The following ANO10 variants were observed in gnomAD, a reference collection of about 807,000 sequenced individuals.
The protein encoded by ANO10 is anoctamin-10.
Under a neutral mutation model 74.7 loss-of-function variants are expected in ANO10, and 77 were observed. The ratio of observed to expected loss-of-function variants is 1.03; its 90% CI spans 0.86 to 1.25. The LOEUF is 1.25. ANO10 is among the 50% of genes most tolerant of loss of function. The probability of loss-of-function intolerance (pLI) is 0.00; values close to 1 mark genes in which losing one functional copy is unlikely to be tolerated. For missense variants in ANO10, 721 were observed against 778.1 expected, an observed-to-expected ratio of 0.93 and a Z score of 0.87; for synonymous variants, 279 against 284.9, an observed-to-expected ratio of 0.98 and a Z score of 0.21.
At chr3:43,620,313 T>C (rs2083323796) in intron 1 of ANO10, among the ~76,000 whole-genome samples, 1 of 152,160 alleles carries the variant, frequency 6.6e-6, no homozygotes, top group Non-Finnish European at 1.5e-5. Context: ...TATGAAGTAA[T>C]ATAACAATAT....
intron 1 of ANO10, among the ~76,000 whole-genome samples, chr3:43,607,328 C>A (rs2149499792): frequency 6.7e-6 from 1 of 150,288 alleles, no homozygotes; most frequent in Non-Finnish European, 1.5e-5. Context: ...ATAGCAAGAC[C>A]CTGTCTAAAA....
intron 11 of ANO10, among the ~76,000 whole-genome samples, chr3:43,483,016 A>G (rs2076331385): frequency 1.3e-5 from 2 of 152,242 alleles, no homozygotes; most frequent in South Asian, 4.1e-4. Flanking sequence ...AATGTTTATT[A>G]AATTTGTCTC....
chr3:43,483,460 G>C (rs1353177366), intron 11 of ANO10, among the ~76,000 whole-genome samples: 1 of 152,150 alleles, frequency 6.6e-6, no homozygotes, highest in Admixed American at 6.5e-5. Flanking sequence ...GGGGTAACAC[G>C]TAACACTTGG....
chr3:43,538,361 G>T (rs2078808234), intron 11 of ANO10, among the ~76,000 whole-genome samples: 1 of 152,190 alleles, frequency 6.6e-6, no homozygotes, highest in Non-Finnish European at 1.5e-5. Context: ...GTACTGAAAT[G>T]ATCTTGCTTG....
At chr3:43,409,237 A>C (rs1432463530) in intron 12 of ANO10, among the ~76,000 whole-genome samples, 1 of 152,082 alleles carries the variant, frequency 6.6e-6, no homozygotes, top group African/African-American at 2.4e-5. Flanking sequence ...GAATCTATGA[A>C]GCTGTGCCGT....
chr3:43,524,406 A>G (rs544223652), intron 11 of ANO10, among the ~76,000 whole-genome samples: 9 of 92,302 alleles, frequency 9.8e-5, no homozygotes, highest in Non-Finnish European at 2.0e-4. Context: ...AGAGCTGTCT[A>G]TAAGTGGTAA....
intron 1 of ANO10, among the ~76,000 whole-genome samples, chr3:43,641,812 A>G (rs142404191): frequency 0.01 from 1,532 of 152,252 alleles, 12 homozygotes; most frequent in Non-Finnish European, 0.013. Context: ...AATGGAGGCC[A>G]TGTCATCAAG....
At chr3:43,411,624 C>G (rs2092666572) in intron 12 of ANO10, among the ~76,000 whole-genome samples, 1 of 152,142 alleles carries the variant, frequency 6.6e-6, no homozygotes. Context: ...CCACAGGGCT[C>G]CATGGTGCTG....
chr3:43,596,770 A>G (rs1421564643), intron 4 of ANO10, among the ~76,000 whole-genome samples: 1 of 152,224 alleles, frequency 6.6e-6, no homozygotes, highest in Non-Finnish European at 1.5e-5. Flanking sequence ...AATGGGATCT[A>G]ATTAAACCAA....
intron 11 of ANO10, among the ~76,000 whole-genome samples, chr3:43,483,023 T>C (rs543627230): frequency 6.6e-5 from 10 of 152,352 alleles, no homozygotes; most frequent in African/African-American, 1.9e-4. Flanking sequence ...ATTAAATTTG[T>C]CTCTTAAAAG....
intron 11 of ANO10, among the ~76,000 whole-genome samples, chr3:43,516,291 A>C (rs1252519664): frequency 6.6e-6 from 1 of 152,218 alleles, no homozygotes; most frequent in Non-Finnish European, 1.5e-5. Context: ...CCTGAACTAG[A>C]CTTTGAAGAA....
Position 43,643,678 on chromosome 3 carries a change from C to CTTTTTTTTTTTTTTTTTTTTTTTTT in ANO10, c.-11-37816_-11-37815insAAAAAAAAAAAAAAAAAAAAAAAAA, listed in dbSNP as rs1310556861. ...AAGCTTTTCATGTACTTGTCCTCAT[C>CTTTTTTTTTTTTTTTTTTTTTTTTT]TTTTCTTTTTTTTTTTTTTTTTTTA... On this transcript the variant is annotated intron_variant, in intron 1 of 3. Transcript: ENST00000413397. 1.2e-4 allele frequency among the ~76,000 whole-genome samples: 16 copies of CTTTTTTTTTTTTTTTTTTTTTTTTT among 133,616 alleles called. 2 individuals carry two copies. Among genetic ancestry groups the CTTTTTTTTTTTTTTTTTTTTTTTTT allele is most frequent in the African/African-American group, 4.7e-4 (15 of 32,076 alleles). 87.7% of individuals were successfully genotyped at this position (133,616 alleles called of 152,430 possible).
At chr3:43,481,996 T>G (rs890696353) in intron 11 of ANO10, among the ~76,000 whole-genome samples, 1 of 149,768 alleles carries the variant, frequency 6.7e-6, no homozygotes, top group Non-Finnish European at 1.5e-5. Flanking sequence ...TGGTGTGATC[T>G]CAGCTCACTG....
chr3:43,541,113 C>A (rs977751644), intron 11 of ANO10, among the ~76,000 whole-genome samples: 1 of 152,048 alleles, frequency 6.6e-6, no homozygotes, highest in Non-Finnish European at 1.5e-5. Context: ...AATAAAAAAC[C>A]AACCCAACTC....
At chr3:43,568,342 A>C (rs1191757924) in intron 7 of ANO10, among the ~76,000 whole-genome samples, 1 of 152,190 alleles carries the variant, frequency 6.6e-6, no homozygotes, top group African/African-American at 2.4e-5. Context: ...GACCTAATAG[A>C]CATCTACAGA....
At chr3:43,472,597 A>T (rs2075905429) in intron 11 of ANO10, 1 of 152,084 alleles carries the variant, frequency 6.6e-6, no homozygotes, top group Admixed American at 6.5e-5. Context: ...CTAGCCAAAA[A>T]AAAAGACAGA....
In ANO10 at chr3:43,421,286, C is replaced by T. The variant is rs549708089; in HGVS notation, c.1914+11325G>A. On this transcript the variant is annotated intron_variant, in intron 12 of 12. Coordinates refer to ENST00000292246, the MANE Select transcript of ANO10 (RefSeq NM_018075.5). The stretch of plus-strand genomic sequence containing the variant: ...TTGTAATCCCAGCACTTTGGAAGGC[C>T]AATGTGGGTGAATTGCTTGAGCTCA... 2.6e-5 allele frequency among the ~76,000 whole-genome samples: 4 copies of T among 152,202 alleles called. No homozygotes were observed. The East Asian group carries it at 7.7e-4, about 29-fold the overall frequency.
At chr3:43,633,995 C>CAAA (rs5848667) in intron 1 of ANO10, among the ~76,000 whole-genome samples, 1,324 of 123,952 alleles carry the variant, frequency 0.011, 36 homozygotes, top group African/African-American at 0.034. Context: ...TCATGGACAG[C>CAAA]AAAAAAAAAA....
chr3:43,562,050 C>A (rs1459901285), intron 8 of ANO10, among the ~76,000 whole-genome samples: 2 of 152,080 alleles, frequency 1.3e-5, no homozygotes, highest in Non-Finnish European at 2.9e-5. Context: ...TATTTACAGT[C>A]AACTGATTTT....
Sources: gnomAD v4.1 joint callset for allele counts (sites outside exome capture counted in the v4.1 genomes callset) on GRCh38, gnomAD v4.1.1 for gene constraint, MANE v1.5 for transcripts, NCBI Gene and HGNC (gene_info 2026-07-23, HGNC 2026-07-21) for gene names.